Variants in AUTS2 observed in about 807,000 individuals in gnomAD.
AUTS2 encodes autism susceptibility gene 2 protein.
AUTS2 carries 17 observed loss-of-function variants against 112.4 expected under a neutral mutation model. That is an observed-to-expected ratio of 0.15 (90% CI 0.10 to 0.23). The LOEUF is 0.23. AUTS2 is among the 10% of genes least tolerant of loss of function. The pLI, the probability that AUTS2 is intolerant of heterozygous loss-of-function variation, is 1.00. For missense variants in AUTS2, 1,510 were observed against 1,701.6 expected (o/e 0.89, Z 1.98); for synonymous variants, 751 against 702.7 (o/e 1.07, Z -1.09).
At chr7:70,167,330 A>G (rs907905221) in intron 4 of AUTS2, among the ~76,000 whole-genome samples, 9 of 152,238 alleles carry the variant, frequency 5.9e-5, no homozygotes, top group African/African-American at 2.2e-4. Flanking sequence ...CACACACAAT[A>G]TAGTGATAAA....
chr7:70,739,890 A>G (rs1347289626), intron 6 of AUTS2, among the ~76,000 whole-genome samples: 1 of 151,946 alleles, frequency 6.6e-6, no homozygotes, highest in Non-Finnish European at 1.5e-5. Flanking sequence ...GCCATGTAAT[A>G]CAAGTCTACT....
chr7:69,659,477 G>C (rs1301609911), intron 1 of AUTS2, among the ~76,000 whole-genome samples: 1 of 143,320 alleles, frequency 7.0e-6, no homozygotes, highest in South Asian at 2.2e-4. Context: ...TCAAAACGCC[G>C]CTATACCTAC....
chr7:69,991,205 C>T (rs544677717), intron 2 of AUTS2, among the ~76,000 whole-genome samples: 2 of 152,140 alleles, frequency 1.3e-5, no homozygotes, highest in Admixed American at 6.5e-5. Flanking sequence ...TCTTCATTTC[C>T]CTTCACTGCG....
At chr7:70,754,977 G>A (rs1362628050) in intron 6 of AUTS2, among the ~76,000 whole-genome samples, 1 of 152,204 alleles carries the variant, frequency 6.6e-6, no homozygotes, top group Non-Finnish European at 1.5e-5. Flanking sequence ...TGCAGAAGCT[G>A]TACTTTGGGA....
At chr7:69,798,420 C>T (rs1289739320) in intron 1 of AUTS2, among the ~76,000 whole-genome samples, 2 of 152,104 alleles carry the variant, frequency 1.3e-5, no homozygotes, top group East Asian at 3.9e-4. Flanking sequence ...TCTTTCAGTT[C>T]CATATGCCTT....
At chr7:70,128,474 G>C (rs990793777) in intron 3 of AUTS2, among the ~76,000 whole-genome samples, 1 of 152,142 alleles carries the variant, frequency 6.6e-6, no homozygotes, top group African/African-American at 2.4e-5. Flanking sequence ...TTTCTGTGTA[G>C]GTGACATTAA....
chr7:69,806,046 C>T lies in AUTS2; in HGVS notation c.310-93240C>T, dbSNP rs1018973304. Reference sequence around the variant, plus strand: ...TCCTGAGTAGCTGGGACTATAGGCACGTGACACCACACCTGGCTAATTTTG... The same window carrying T: ...TCCTGAGTAGCTGGGACTATAGGCATGTGACACCACACCTGGCTAATTTTG... On this transcript the variant is annotated intron_variant, in intron 1 of 18. Coordinates refer to ENST00000342771, the MANE Select transcript of AUTS2 (RefSeq NM_015570.4). 7.2e-5 allele frequency among the ~76,000 whole-genome samples: 11 copies of T among 151,756 alleles called. No individual in the cohort carries two copies. The East Asian group carries it at 7.8e-4, about 11-fold the overall frequency.
chr7:70,554,280 G>A (rs1418217546), intron 5 of AUTS2, among the ~76,000 whole-genome samples: 1 of 150,608 alleles, frequency 6.6e-6, no homozygotes, highest in Non-Finnish European at 1.5e-5. Flanking sequence ...TGTTGGCCAG[G>A]CTGGTCTCGA....
At chr7:70,748,715 A>G (rs939812418) in intron 6 of AUTS2, among the ~76,000 whole-genome samples, 1 of 152,212 alleles carries the variant, frequency 6.6e-6, no homozygotes, top group African/African-American at 2.4e-5. Flanking sequence ...GAGGCCCTGT[A>G]GCCCAGTCCC....
At chr7:70,171,056 G>A (rs1808658402) in intron 4 of AUTS2, among the ~76,000 whole-genome samples, 1 of 152,170 alleles carries the variant, frequency 6.6e-6, no homozygotes, top group South Asian at 2.1e-4. Context: ...GCCTTCTTGG[G>A]TCTACTGCCA....
At position 70,004,511 on chromosome 7, in the gene AUTS2, A is replaced by T. The variant is rs376502947; in HGVS notation, c.522+105013A>T. ...CTTGCTCATTAAAAGCTAATAAACT[A>T]GAAGGAACTACAAAAAGTTTTAAGG... is the stretch of plus-strand genomic sequence containing the variant. On this transcript the variant is annotated intron_variant, in intron 2 of 18. Coordinates refer to ENST00000342771, the MANE Select transcript of AUTS2 (RefSeq NM_015570.4). Among the ~76,000 whole-genome samples, 15 of 149,110 alleles carry T rather than the reference A, an allele frequency of 1.0e-4. No homozygotes were observed. The South Asian group carries it at 3.1e-3, about 31-fold the overall frequency.
chr7:70,011,384 A>G (rs1389188603), intron 2 of AUTS2, among the ~76,000 whole-genome samples: 17 of 118,128 alleles, frequency 1.4e-4, no homozygotes, highest in Non-Finnish European at 2.5e-4. Context: ...TCCCTTTTCT[A>G]CTCTCCCACT....
At chr7:70,084,675 C>T (rs1349757457) in intron 2 of AUTS2, among the ~76,000 whole-genome samples, 2 of 152,036 alleles carry the variant, frequency 1.3e-5, no homozygotes, top group Non-Finnish European at 2.9e-5. Flanking sequence ...ATCTGTATAT[C>T]TTTTTTGGTG....
chr7:69,823,731 C>T (rs756668270), intron 1 of AUTS2, among the ~76,000 whole-genome samples: 6 of 151,652 alleles, frequency 4.0e-5, no homozygotes, highest in Non-Finnish European at 8.8e-5. Context: ...TAAAAGGAAG[C>T]ACTTACTGAA....
At chr7:70,290,877 G>A (rs1788678121) in intron 4 of AUTS2, 2 of 160,022 alleles carry the variant, frequency 1.2e-5, no homozygotes. Flanking sequence ...ATAATCGACA[G>A]TTAAAATAAA....
At chr7:70,456,506 G>A (rs909455257) in intron 5 of AUTS2, among the ~76,000 whole-genome samples, 3 of 152,160 alleles carry the variant, frequency 2.0e-5, no homozygotes, top group Admixed American at 6.5e-5. Flanking sequence ...CAATATCAGC[G>A]AGATTTCCAG....
chr7:70,738,666 G>A (rs1214181758), intron 6 of AUTS2, among the ~76,000 whole-genome samples: 6 of 152,120 alleles, frequency 3.9e-5, no homozygotes, highest in African/African-American at 1.4e-4. Context: ...CAAGGCTCCT[G>A]TGCCCCAATC....
intron 2 of AUTS2, among the ~76,000 whole-genome samples, chr7:70,077,075 G>A (rs1383013732): frequency 6.6e-6 from 1 of 152,162 alleles, no homozygotes; most frequent in African/African-American, 2.4e-5. Flanking sequence ...ACAGGGGAGA[G>A]CAGTGGGTAG....
chr7:70,542,074 C>T (rs1800574007), intron 5 of AUTS2, among the ~76,000 whole-genome samples: 2 of 152,120 alleles, frequency 1.3e-5, no homozygotes, highest in South Asian at 4.1e-4. Context: ...GTCACAGCCA[C>T]GTTTCTCTGC....
Sources: gnomAD v4.1 joint callset for allele counts (sites outside exome capture counted in the v4.1 genomes callset) on GRCh38, gnomAD v4.1.1 for gene constraint, MANE v1.5 for transcripts, NCBI Gene and HGNC (gene_info 2026-07-23, HGNC 2026-07-21) for gene names.